FAHD2B: variants seen among roughly 807,000 people sequenced by gnomAD.
The protein encoded by FAHD2B is oxaloacetate tautomerase FAHD2B, mitochondrial.
In FAHD2B, 26 loss-of-function variants were observed where a neutral mutation model predicts 33.7. That is an observed-to-expected ratio of 0.77 (90% CI 0.57 to 1.07). The LOEUF is 1.07. Among genes scored for constraint, FAHD2B ranks in the 50% least tolerant of loss-of-function variants. The probability of loss-of-function intolerance (pLI) is 0.00; values close to 1 mark genes in which losing one functional copy is unlikely to be tolerated. For synonymous variants in FAHD2B, 108 were observed against 150.9 expected (o/e 0.72, Z 2.08); for missense variants, 272 against 388.1 (o/e 0.70, Z 2.51).
At chr2:97,089,392 G>A (rs1255531100) in intron 4 of FAHD2B, among the ~76,000 whole-genome samples, 3 of 148,684 alleles carry the variant, frequency 2.0e-5, no homozygotes, top group Non-Finnish European at 3.0e-5. Flanking sequence ...GGTGGCATGC[G>A]CCTGTAGTCC....
downstream of FAHD2B, chr2:97,083,119 C>A: frequency 1.9e-6 from 3 of 1,546,286 alleles, no homozygotes; most frequent in Non-Finnish European, 2.6e-6. Context: ...TGAGCGCACT[C>A]ATGGCGCATC....
chr2:97,082,530 T>C (rs1385627129), downstream of FAHD2B: 4 of 1,602,146 alleles, frequency 2.5e-6, no homozygotes, highest in African/African-American at 5.4e-5. Context: ...TGCTGCCCCC[T>C]GCCAGACAGT....
At chr2:97,088,189 T>C (rs1245343126) in intron 4 of FAHD2B, among the ~76,000 whole-genome samples, 6 of 152,148 alleles carry the variant, frequency 3.9e-5, no homozygotes, top group Non-Finnish European at 5.9e-5. Flanking sequence ...CTGGTGGTTT[T>C]CACACTATAA....
intron 6 of FAHD2B, among the ~76,000 whole-genome samples, chr2:97,084,943 A>C (rs1402068950): frequency 1.3e-5 from 2 of 151,842 alleles, no homozygotes; most frequent in African/African-American, 2.4e-5. Flanking sequence ...AGAATCTATA[A>C]AGCAGTGAGG....
intron 4 of FAHD2B, among the ~76,000 whole-genome samples, chr2:97,088,162 T>G (rs2032110862): frequency 6.6e-6 from 1 of 152,116 alleles, no homozygotes; most frequent in African/African-American, 2.4e-5. Context: ...AACCCATCAT[T>G]CATTTCTGTA....
Position 97,084,014 on chromosome 2 carries a change from C to T in FAHD2B, c.816G>A (p.Gly272=). The change falls in exon 8 of 9, where the codon GGG becomes GGA. Residue 272 remains glycine (G), a synonymous_variant. Coordinates refer to ENST00000414820, the MANE Select transcript of FAHD2B (RefSeq NM_001320848.2). ...WVSQFVTFYP[G]DVILTGTPPG... is the part of the protein sequence containing the mutation. ...GGGGGGTCCCAGTTAGGATGACATC[C>T]CCTGGGTAAAAGGTAACAAACCTGG... 1.2e-6 allele frequency: 2 copies of T among 1,613,706 alleles called. No individual in the cohort carries two copies.
downstream of FAHD2B, among the ~76,000 whole-genome samples, chr2:97,078,963 G>A (rs963378426): frequency 1.3e-5 from 2 of 151,794 alleles, no homozygotes; most frequent in African/African-American, 2.4e-5. Context: ...CTTTCTTTGC[G>A]TCCATATGTT....
At position 97,083,724 on chromosome 2, in the gene FAHD2B, C is replaced by G; in HGVS notation, c.*31G>C. The G allele has an allele frequency of 6.2e-7, 1 of 1,614,066 alleles. No homozygotes were observed. The highest frequency in any genetic ancestry group is 8.5e-7 in the Non-Finnish European group (1 of 1,180,032). ...GCTAGGCTGAGTGGGAGCAGATGCC[C>G]TCATCCTATGTCGGGCCTGTGCAGG... On this transcript the variant is annotated 3_prime_UTR_variant, in exon 9 of 9. Coordinates refer to ENST00000414820, the MANE Select transcript of FAHD2B (RefSeq NM_001320848.2).
At chr2:97,079,009 G>T (rs781330465), downstream of FAHD2B, among the ~76,000 whole-genome samples, 198 of 151,376 alleles carry the variant, frequency 1.3e-3, no homozygotes, top group Non-Finnish European at 1.8e-3. Flanking sequence ...GTAAGAACAT[G>T]TGGTATAATA....
chr2:97,079,801 A>G (rs1308415294), downstream of FAHD2B, among the ~76,000 whole-genome samples: 1 of 151,700 alleles, frequency 6.6e-6, no homozygotes, highest in African/African-American at 2.4e-5. Flanking sequence ...AGTAGCTGGG[A>G]GTACAGGCAT....
chr2:97,092,842 G>C (rs1232706665), intron 1 of FAHD2B, among the ~76,000 whole-genome samples: 1 of 151,420 alleles, frequency 6.6e-6, no homozygotes, highest in Non-Finnish European at 1.5e-5. Context: ...GACTGGTGGC[G>C]GGCACCTGTA....
chr2:97,083,825 A>G lies in FAHD2B; in HGVS notation c.883-8T>C. 6.2e-7 allele frequency: 1 copy of G among 1,614,118 alleles called. No individual in the cohort carries two copies. The stretch of plus-strand genomic sequence containing the variant: ...CTGGACTTCATCCCCCTTCTGCAAC[A>G]GAGCAGGCCATGACGGTGTCAGCCC... On this transcript the variant is annotated splice_region_variant and splice_polypyrimidine_tract_variant and intron_variant, in intron 8 of 8. Transcript: ENST00000414820.
downstream of FAHD2B, chr2:97,081,587 A>G: frequency 6.6e-7 from 1 of 1,512,102 alleles, no homozygotes; most frequent in Non-Finnish European, 8.8e-7. Context: ...CCTGAGTGCC[A>G]GCTGCCCCAG....
At chr2:97,088,910 A>G (rs1451323475) in intron 4 of FAHD2B, among the ~76,000 whole-genome samples, 1 of 152,164 alleles carries the variant, frequency 6.6e-6, no homozygotes, top group Non-Finnish European at 1.5e-5. Flanking sequence ...TGCCAAAAAA[A>G]AAATGTGTGT....
Position 97,091,503 on chromosome 2 carries a change from C to A in FAHD2B, c.204G>T (p.Gln68His). The A allele has an allele frequency of 1.2e-6, 2 of 1,613,300 alleles. No individual in the cohort carries two copies. Among genetic ancestry groups the A allele is most frequent in the Non-Finnish European group, 1.7e-6 (2 of 1,179,852 alleles). Residue 68 changes from glutamine (Q) to histidine (H), a missense_variant, in exon 3 of 9, where the codon CAG becomes CAT. Transcript: ENST00000414820. The stretch of plus-strand genomic sequence containing the variant: ...GGGTGGCCTCTCCCTGCTCTAGGAA[C>A]TGCGTCATCGTCTTTGGGAGTGTGG... The part of the protein sequence containing the change: ...FDPTLPKTMT[Q>H]FLEQGEATLS...
chr2:97,091,419 G>A (rs1172277475), intron 3 of FAHD2B, 43 bp downstream of exon 3: 5 of 1,522,780 alleles, frequency 3.3e-6, no homozygotes, highest in East Asian at 4.9e-5. Context: ...GGTGCAGGGG[G>A]ACCAGGGCAG....
downstream of FAHD2B, among the ~76,000 whole-genome samples, chr2:97,079,612 A>G (rs1471256690): frequency 6.7e-6 from 1 of 149,730 alleles, no homozygotes; most frequent in Non-Finnish European, 1.5e-5. Flanking sequence ...CCCACTTTTT[A>G]GTGGGGTTGT....
intron 6 of FAHD2B, 117 bp from the exon 7 acceptor site, chr2:97,084,394 T>C (rs779895937): frequency 7.8e-5 from 90 of 1,148,574 alleles, no homozygotes; most frequent in Non-Finnish European, 1.1e-4. Flanking sequence ...GGCTTTAAAG[T>C]GCCCACATTG....
chr2:97,094,331 G>A (rs1197496808), intron 1 of FAHD2B, among the ~76,000 whole-genome samples: 1 of 149,014 alleles, frequency 6.7e-6, no homozygotes, highest in Non-Finnish European at 1.5e-5. Context: ...GACTCAAAGG[G>A]ATGACGTCAG....
Sources: allele counts gnomAD v4.1 joint callset (sites outside exome capture counted in the v4.1 genomes callset), GRCh38; gene constraint gnomAD v4.1.1; transcripts MANE v1.5; gene names NCBI Gene and HGNC (gene_info 2026-07-23, HGNC 2026-07-21).